The following PPARD variants were observed in gnomAD, a reference collection of about 807,000 sequenced individuals.
PPARD encodes peroxisome proliferator-activated receptor delta.
Under a neutral mutation model 39.5 loss-of-function variants are expected in PPARD, and 6 were observed. The observed-to-expected ratio is 0.15, with a 90% confidence interval of 0.08 to 0.30. The LOEUF is 0.30. Ranked by LOEUF, PPARD falls within the 10% of genes least tolerant of loss-of-function variation. PPARD has a pLI of 1.00. For missense variants in PPARD, 397 were observed against 596.8 expected, an observed-to-expected ratio of 0.67 and a Z score of 3.49; for synonymous variants, 210 against 231.3, an observed-to-expected ratio of 0.91 and a Z score of 0.83.
chr6:35,424,299 G>A lies in PPARD; in HGVS notation c.628-30G>A, dbSNP rs1405910217. The A allele has an allele frequency of 6.2e-7, 1 of 1,606,210 alleles. No individual in the cohort carries two copies. The highest frequency in any genetic ancestry group is 1.7e-5 in the Admixed American group (1 of 59,858). ...GAGCACAGGGTGGGGGTCTCCCGAGGCCTGATCTCTAACGGGGCCTGGTTT... is the reference window on the plus strand; with the variant it reads ...GAGCACAGGGTGGGGGTCTCCCGAGACCTGATCTCTAACGGGGCCTGGTTT... On this transcript the variant is annotated intron_variant, in intron 6 of 7. Coordinates refer to ENST00000360694, the MANE Select transcript of PPARD (RefSeq NM_006238.5). The surrounding 1 kb of genome is among the most constrained non-coding windows in gnomAD (Gnocchi z 7.1).
At chr6:35,355,195 T>C (rs981228700) in intron 2 of PPARD, among the ~76,000 whole-genome samples, 1 of 152,010 alleles carries the variant, frequency 6.6e-6, no homozygotes, top group Non-Finnish European at 1.5e-5. Context: ...TTTTTTTTCA[T>C]TGAAGTCCTG....
chr6:35,403,691 G>C (rs1462349091), intron 2 of PPARD, among the ~76,000 whole-genome samples: 1 of 152,064 alleles, frequency 6.6e-6, no homozygotes, highest in African/African-American at 2.4e-5. Context: ...AGACATTGCA[G>C]TTTGGTGTAG....
chr6:35,352,416 C>A (rs1289719158), intron 2 of PPARD, among the ~76,000 whole-genome samples: 1 of 151,816 alleles, frequency 6.6e-6, no homozygotes, highest in African/African-American at 2.4e-5. Context: ...GAACTCCTGA[C>A]CTCATGATCT....
rs2150456790 is a variant in PPARD at position 35,355,068 on chromosome 6, C to T, written c.-102+7918C>T. ...AGGGGGTGAGCCCAGGTAGGAGTGACTTCTGAACCAGCCCAGATTTACAGG... is the reference window on the plus strand; with the variant it reads ...AGGGGGTGAGCCCAGGTAGGAGTGATTTCTGAACCAGCCCAGATTTACAGG... On this transcript the variant is annotated intron_variant, in intron 2 of 7. Coordinates refer to ENST00000360694, the MANE Select transcript of PPARD (RefSeq NM_006238.5). Among the ~76,000 whole-genome samples, 2 of 152,260 alleles carry T rather than the reference C, an allele frequency of 1.3e-5. 1 individual carries two copies. The highest frequency in any genetic ancestry group is 4.1e-4 in the South Asian group (2 of 4,826).
chr6:35,353,919 G>C (rs948403668), intron 2 of PPARD, among the ~76,000 whole-genome samples: 2 of 152,090 alleles, frequency 1.3e-5, no homozygotes, highest in African/African-American at 4.8e-5. Context: ...ACTTATGATG[G>C]TTCAACTTTA....
rs558275286 is a variant in PPARD at position 35,375,209 on chromosome 6, G to GTTTTTT, written c.-102+28079_-102+28084dup. Reference sequence around the variant, plus strand: ...TTTTTGCCTATTTTTCTCCTTCCGAGTTTTTTTTTTTTTTTTTTTTTTTTT... The same window carrying GTTTTTT: ...TTTTTGCCTATTTTTCTCCTTCCGAGTTTTTTTTTTTTTTTTTTTTTTTTTTTTTTT... On this transcript the variant is annotated intron_variant, in intron 2 of 7. Coordinates refer to ENST00000360694, the MANE Select transcript of PPARD (RefSeq NM_006238.5). Among the ~76,000 whole-genome samples, 71 of 59,232 alleles carry GTTTTTT rather than the reference G, an allele frequency of 1.2e-3. 2 individuals carry two copies. The highest frequency in any genetic ancestry group is 2.2e-3 in the East Asian group (4 of 1,834). The allele number at this position is 59,232 out of a possible 152,430, so 38.9% of individuals were successfully genotyped here.
chr6:35,410,939 C>T (rs1765383299), intron 2 of PPARD, 48 bp from the exon 3 acceptor site: 1 of 1,258,300 alleles, frequency 7.9e-7, no homozygotes, highest in Non-Finnish European at 1.0e-6. Flanking sequence ...CCATCCTCTT[C>T]CTTGTCACTG....
At chr6:35,417,620 C>T (rs1765864536) in intron 3 of PPARD, among the ~76,000 whole-genome samples, 2 of 151,902 alleles carry the variant, frequency 1.3e-5, no homozygotes, top group African/African-American at 4.8e-5. Context: ...CGCCCCCCTG[C>T]CCCCGGGTTC....
At chr6:35,409,063 G>A (rs943148688) in intron 2 of PPARD, among the ~76,000 whole-genome samples, 4 of 151,858 alleles carry the variant, frequency 2.6e-5, no homozygotes, top group Admixed American at 2.0e-4. Context: ...ACCTTTTCCA[G>A]GTTTTCCCAC....
chr6:35,414,760 T>G (rs1057054483), intron 3 of PPARD, among the ~76,000 whole-genome samples: 5 of 152,170 alleles, frequency 3.3e-5, no homozygotes, highest in Non-Finnish European at 7.4e-5. Context: ...GGGAGTCCCC[T>G]GAGGGACCCA....
intron 2 of PPARD, among the ~76,000 whole-genome samples, chr6:35,410,079 A>G (rs1182960896): frequency 1.3e-5 from 2 of 152,146 alleles, no homozygotes; most frequent in Non-Finnish European, 2.9e-5. Context: ...TAGAGGACGA[A>G]TGGGTTTGGG....
At chr6:35,404,564 G>A (rs749865654) in intron 2 of PPARD, among the ~76,000 whole-genome samples, 1 of 152,242 alleles carries the variant, frequency 6.6e-6, no homozygotes, top group Non-Finnish European at 1.5e-5. Context: ...CAGCCTGCCA[G>A]TGGGCATCAG....
At chr6:35,391,424 G>A (rs929760665) in intron 2 of PPARD, among the ~76,000 whole-genome samples, 3 of 152,152 alleles carry the variant, frequency 2.0e-5, no homozygotes, top group Non-Finnish European at 2.9e-5. Context: ...GATTAGATTC[G>A]GGTTTACGTT....
At chr6:35,376,020 T>C (rs1762796477) in intron 2 of PPARD, among the ~76,000 whole-genome samples, 1 of 152,252 alleles carries the variant, frequency 6.6e-6, no homozygotes, top group African/African-American at 2.4e-5. Flanking sequence ...TTGGAATCAT[T>C]TGAAATTAAG....
intron 2 of PPARD, among the ~76,000 whole-genome samples, chr6:35,388,886 G>A (rs866609198): frequency 5.3e-5 from 8 of 152,148 alleles, no homozygotes; most frequent in African/African-American, 9.7e-5. Context: ...TGCCTGCTGC[G>A]TGCCCAGCAC....
At chr6:35,418,639 C>T (rs1765935831) in intron 3 of PPARD, among the ~76,000 whole-genome samples, 1 of 152,228 alleles carries the variant, frequency 6.6e-6, no homozygotes, top group Non-Finnish European at 1.5e-5. Flanking sequence ...TCCCAGAGCA[C>T]AGCTTTTCCC....
chr6:35,409,524 C>A (rs1003973), intron 2 of PPARD, among the ~76,000 whole-genome samples: 128,039 of 151,036 alleles, frequency 0.85, 54,402 homozygotes, highest in African/African-American at 0.89. Flanking sequence ...ACAACAACAA[C>A]AAAAAAACCC....
At chr6:35,414,124 G>T (rs570553366) in intron 3 of PPARD, among the ~76,000 whole-genome samples, 28 of 152,142 alleles carry the variant, frequency 1.8e-4, no homozygotes, top group African/African-American at 6.8e-4. Context: ...GCCCATCTGT[G>T]GGGAACTGGT....
chr6:35,396,129 A>T (rs1764298093), intron 2 of PPARD, among the ~76,000 whole-genome samples: 2 of 150,830 alleles, frequency 1.3e-5, no homozygotes, highest in Admixed American at 1.3e-4. Flanking sequence ...AGGATCCTAC[A>T]TTTCCCCTAC....
Sources: allele counts gnomAD v4.1 joint callset (sites outside exome capture counted in the v4.1 genomes callset), GRCh38; gene constraint gnomAD v4.1.1; non-coding constraint Gnocchi (gnomAD v3.1); transcripts MANE v1.5; gene names NCBI Gene and HGNC (gene_info 2026-07-23, HGNC 2026-07-21).